ZNF557: variants seen among roughly 807,000 people sequenced by gnomAD.
The protein encoded by ZNF557 is CTB-25J19.9.
Under a neutral mutation model 21.2 loss-of-function variants are expected in ZNF557, and 19 were observed. The ratio of observed to expected loss-of-function variants is 0.90; its 90% CI spans 0.63 to 1.32. ZNF557 has a LOEUF of 1.32. Ranked by LOEUF, ZNF557 falls within the 40% of genes most tolerant of loss-of-function variation. ZNF557 has a pLI of 0.00. For missense variants in ZNF557, 487 were observed against 519.8 expected (o/e 0.94, Z 0.61); for synonymous variants, 207 against 194.8 (o/e 1.06, Z -0.52).
In ZNF557 at chr19:7,075,079, C is replaced by T. The variant is rs577102341; in HGVS notation, c.5C>T (p.Ala2Val). 14 of 1,613,880 alleles carry T rather than the reference C, an allele frequency of 8.7e-6. No individual in the cohort carries two copies. The highest frequency in any genetic ancestry group is 6.6e-5 in the South Asian group (6 of 91,082). Reference sequence around the variant, plus strand: ...TGTTGCTGTCGGAGTCACAGGATGGCGGCTGTCGTCCTGCCCCCAACTGCC... The same window carrying T: ...TGTTGCTGTCGGAGTCACAGGATGGTGGCTGTCGTCCTGCCCCCAACTGCC... M[A>V]AVVLPPTAAL... Residue 2 changes from alanine (A) to valine (V), a missense_variant, in exon 3 of 8, where the codon GCG becomes GTG. Physicochemically the swap from Ala to Val is moderately conservative, Grantham distance 64. Coordinates refer to ENST00000252840, the MANE Select transcript of ZNF557 (RefSeq NM_024341.3).
At chr19:7,069,852 C>G (rs961935725) in intron 1 of ZNF557, 79 bp downstream of exon 1, 1 of 152,328 alleles carries the variant, frequency 6.6e-6, no homozygotes, top group Admixed American at 6.5e-5. Flanking sequence ...CCTGAGGCCT[C>G]GGGCTGTGCG....
At chr19:7,073,952 C>T (rs1348759657) in intron 2 of ZNF557, among the ~76,000 whole-genome samples, 1 of 151,750 alleles carries the variant, frequency 6.6e-6, no homozygotes, top group South Asian at 2.1e-4. Context: ...TAACTGCAGA[C>T]AGCGCCTGCC....
In ZNF557 at chr19:7,083,502, A is replaced by G; in HGVS notation, c.1051A>G (p.Asn351Asp). The G allele has an allele frequency of 1.2e-6, 2 of 1,614,224 alleles. No individual in the cohort carries two copies. The highest frequency in any genetic ancestry group is 1.7e-4 in the Middle Eastern group (1 of 6,060). Reference sequence around the variant, plus strand: ...TACTGGAGAAAAACCCTACACATGTAATGAGTGTGGGAAATCCTTTACCAA... The same window carrying G: ...TACTGGAGAAAAACCCTACACATGTGATGAGTGTGGGAAATCCTTTACCAA... The part of the protein sequence containing the change: ...THTGEKPYTC[N>D]ECGKSFTNSF... Residue 351 changes from asparagine to aspartate, a missense_variant, in exon 8 of 8, where the codon AAT becomes GAT. Transcript: ENST00000252840.
At chr19:7,081,894 G>A (rs1977714627) in intron 6 of ZNF557, 76 bp from the exon 7 acceptor site, 2 of 1,108,708 alleles carry the variant, frequency 1.8e-6, no homozygotes, top group Non-Finnish European at 2.8e-6. Context: ...ACTCACGTAT[G>A]CATTTTACTA....
intron 2 of ZNF557, 130 bp from the exon 3 acceptor site, chr19:7,074,866 G>A (rs1342219981): frequency 3.2e-6 from 2 of 616,788 alleles, no homozygotes; most frequent in Non-Finnish European, 5.6e-6. Context: ...AGGAGGGGGG[G>A]TGACCGAGGC....
chr19:7,087,333 G>A lies in ZNF557; in HGVS notation c.*3589G>A, dbSNP rs2145183699. On this transcript the variant is annotated 3_prime_UTR_variant, in exon 8 of 8. Coordinates refer to ENST00000252840, the MANE Select transcript of ZNF557 (RefSeq NM_024341.3). The stretch of plus-strand genomic sequence containing the variant: ...AGGCAGGCGGATCACCTGAGGTGGG[G>A]AGTTCGAGACCAGCCTGATCAACAT... The A allele has an allele frequency of 6.6e-6, 1 of 150,426 alleles. No individual in the cohort carries two copies. The highest frequency in any genetic ancestry group is 2.0e-4 in the East Asian group (1 of 5,052). 9.3% of individuals were successfully genotyped at this position (150,426 alleles called of 1,614,324 possible).
intron 3 of ZNF557, 79 bp downstream of exon 3, chr19:7,075,184 G>C: frequency 1.2e-6 from 2 of 1,600,046 alleles, no homozygotes; most frequent in Non-Finnish European, 1.7e-6. Flanking sequence ...GGAGGGGGTT[G>C]GGCAGAGCAG....
At chr19:7,078,804 A>C (rs1977635036) in intron 5 of ZNF557, among the ~76,000 whole-genome samples, 1 of 151,922 alleles carries the variant, frequency 6.6e-6, no homozygotes, top group Non-Finnish European at 1.5e-5. Context: ...GTGTATTCAG[A>C]TGTTTGATGG....
intron 1 of ZNF557, among the ~76,000 whole-genome samples, chr19:7,070,189 A>G (rs1469453524): frequency 1.3e-5 from 2 of 152,138 alleles, no homozygotes; most frequent in Non-Finnish European, 2.9e-5. Context: ...GGGCATTAAA[A>G]TCTCTGCAGT....
chr19:7,083,499 TGTA>T lies in ZNF557; in HGVS notation c.1049_1051del (p.Cys350_Asn351delinsTyr). 6.2e-7 allele frequency: 1 copy of T among 1,614,156 alleles called. No individual in the cohort carries two copies. The highest frequency in any genetic ancestry group is 1.6e-4 in the Middle Eastern group (1 of 6,062). On this transcript the variant is annotated inframe_deletion, in exon 8 of 8. Coordinates refer to ENST00000252840, the MANE Select transcript of ZNF557 (RefSeq NM_024341.3). ...TCATACTGGAGAAAAACCCTACACA[TGTA>T]ATGAGTGTGGGAAATCCTTTACCAA...
At chr19:7,075,878 CAGAAA>C (rs1977578709) in intron 4 of ZNF557, 135 bp downstream of exon 4, 8 of 1,467,374 alleles carry the variant, frequency 5.5e-6, no homozygotes, top group Non-Finnish European at 7.2e-6. Flanking sequence ...GAGGGCTGCC[CAGAAA>C]ATGTCAGTGT....
At position 7,083,110 on chromosome 19, in the gene ZNF557, G is replaced by T; in HGVS notation, c.659G>T (p.Arg220Ile). The change falls in exon 8 of 8, where the codon AGA (arginine) becomes ATA (isoleucine). Residue 220 changes from arginine (R) to isoleucine (I), a missense_variant. Coordinates refer to ENST00000252840, the MANE Select transcript of ZNF557 (RefSeq NM_024341.3). ...CNDCGKTFSSRSYLTVHKRIH... is the reference protein window; with the variant it reads ...CNDCGKTFSSISYLTVHKRIH... Reference sequence around the variant, plus strand: ...GACTGTGGGAAAACCTTCAGCAGCAGATCTTACCTTACTGTTCATAAGAGA... The same window carrying T: ...GACTGTGGGAAAACCTTCAGCAGCATATCTTACCTTACTGTTCATAAGAGA... 1 of 1,614,058 alleles carries T rather than the reference G, an allele frequency of 6.2e-7. No individual in the cohort carries two copies. Among genetic ancestry groups the T allele is most frequent in the Non-Finnish European group, 8.5e-7 (1 of 1,179,976 alleles).
intron 5 of ZNF557, among the ~76,000 whole-genome samples, chr19:7,079,743 G>C (rs1977663695): frequency 6.6e-6 from 1 of 152,050 alleles, no homozygotes. Flanking sequence ...TCTCTGTTCT[G>C]TTAGCTTAGT....
At chr19:7,081,606 C>A in intron 6 of ZNF557, 151 bp downstream of exon 6, 2 of 623,070 alleles carry the variant, frequency 3.2e-6, no homozygotes, top group Non-Finnish European at 5.7e-6. Context: ...TGGTCTGAGC[C>A]CCCTCATGTA....
chr19:7,071,713 T>C (rs1229481410), intron 2 of ZNF557, among the ~76,000 whole-genome samples: 1 of 146,266 alleles, frequency 6.8e-6, no homozygotes, highest in Non-Finnish European at 1.5e-5. Flanking sequence ...GTGTGGTGAC[T>C]CTCTTGAGCC....
intron 3 of ZNF557, among the ~76,000 whole-genome samples, 197 bp from the exon 4 acceptor site, chr19:7,075,458 G>C (rs990674611): frequency 3.9e-5 from 6 of 152,170 alleles, no homozygotes; most frequent in Non-Finnish European, 7.3e-5. Context: ...GTTTCCTGGC[G>C]TGGATGCGGC....
rs1599847252 is a variant in ZNF557, at chr19:7,086,245, C to CAAAAAAAAAAA, written c.*2502_*2503insAAAAAAAAAAA. The CAAAAAAAAAAA allele has an allele frequency of 9.9e-6, 1 of 100,668 alleles. No homozygotes were observed. The highest frequency in any genetic ancestry group is 2.1e-5 in the Non-Finnish European group (1 of 47,834). The allele number at this position is 100,668 out of a possible 1,614,324, so 6.2% of individuals were successfully genotyped here. A position where few individuals can be genotyped will look rare whatever the true frequency, so the allele number is the denominator to read the frequency against. Reference sequence around the variant, plus strand: ...AACTCTGTCTCAAAAAAAAAAAAATCAGACAATATTTGATATATTTTTTTC... The same window carrying CAAAAAAAAAAA: ...AACTCTGTCTCAAAAAAAAAAAAATCAAAAAAAAAAAAGACAATATTTGATATATTTTTTTC... On this transcript the variant is annotated 3_prime_UTR_variant, in exon 8 of 8. Transcript: ENST00000252840.
At chr19:7,079,264 T>C (rs575780973) in intron 5 of ZNF557, among the ~76,000 whole-genome samples, 91 of 128,004 alleles carry the variant, frequency 7.1e-4, no homozygotes, top group Non-Finnish European at 1.0e-3. Context: ...TTTTTTGAGA[T>C]GGAGTCTCAC....
Position 7,081,996 on chromosome 19 carries a change from G to A in ZNF557, c.370G>A (p.Gly124Arg), listed in dbSNP as rs200962013. 1,271 of 1,613,730 alleles carry A rather than the reference G, an allele frequency of 7.9e-4. No individual in the cohort carries two copies. The highest frequency in any genetic ancestry group is 9.9e-4 in the Non-Finnish European group (1,167 of 1,179,832). The change falls in exon 7 of 8, where the codon GGG (glycine) becomes AGG (arginine). Residue 124 changes from glycine to arginine, a missense_variant. By Grantham distance (125) the Gly-to-Arg change is moderately radical. Coordinates refer to ENST00000252840, the MANE Select transcript of ZNF557 (RefSeq NM_024341.3). ...PDVENPFKAK[G>R]LTPKLHVFRK... ...TGTGGAGAATCCATTTAAAGCCAAA[G>A]GGTTAACTCCTAAGCTGCATGTTTT...
Sources: gnomAD v4.1 joint callset for allele counts (sites outside exome capture counted in the v4.1 genomes callset) on GRCh38, gnomAD v4.1.1 for gene constraint, MANE v1.5 for transcripts, NCBI Gene and HGNC (gene_info 2026-07-23, HGNC 2026-07-21) for gene names.